Variants in TANC2 observed in about 807,000 individuals in gnomAD.
The protein encoded by TANC2 is protein TANC2.
Under a neutral mutation model 210.5 loss-of-function variants are expected in TANC2, and 26 were observed. The observed-to-expected ratio is 0.12, with a 90% confidence interval of 0.09 to 0.17. The LOEUF is 0.17. Ranked by LOEUF, TANC2 falls within the 10% of genes least tolerant of loss-of-function variation. TANC2 has a pLI of 1.00. For synonymous variants in TANC2, 931 were observed against 967.1 expected (o/e 0.96, Z 0.69); for missense variants, 2,129 against 2,608.9 (o/e 0.82, Z 4.01).
chr17:62,981,930 C>G (rs1225888131), intron 1 of TANC2, among the ~76,000 whole-genome samples: 1 of 152,020 alleles, frequency 6.6e-6, no homozygotes, highest in Admixed American at 6.5e-5. Context: ...TGTCTTCTCC[C>G]TGTGGAGTCA....
intron 26 of TANC2, 137 bp downstream of exon 26, chr17:63,415,811 T>C (rs1599081057): frequency 5.0e-6 from 5 of 1,005,380 alleles, no homozygotes; most frequent in Non-Finnish European, 7.1e-6. Flanking sequence ...AGCACTGACA[T>C]TTGCAATTTG....
chr17:63,012,229 C>T (rs1219039250), intron 2 of TANC2, among the ~76,000 whole-genome samples: 1 of 151,886 alleles, frequency 6.6e-6, no homozygotes, highest in African/African-American at 2.4e-5. Flanking sequence ...GTACTTTGCC[C>T]AGGCTGTTCT....
intron 2 of TANC2, among the ~76,000 whole-genome samples, chr17:63,056,261 T>G (rs1228156229): frequency 6.6e-6 from 1 of 151,422 alleles, no homozygotes; most frequent in Non-Finnish European, 1.5e-5. Context: ...TACTTCTACC[T>G]GAGAGCTAAT....
chr17:63,117,200 T>C (rs2038284607), intron 4 of TANC2: 1 of 152,206 alleles, frequency 6.6e-6, no homozygotes. Context: ...TACTCCTGAA[T>C]GTTAAGAAGA....
chr17:63,017,969 T>A (rs568840444), intron 2 of TANC2, among the ~76,000 whole-genome samples: 23 of 151,330 alleles, frequency 1.5e-4, no homozygotes, highest in Non-Finnish European at 3.1e-4. Context: ...TAGTGAGAAC[T>A]TGTCTCTAAA....
At chr17:63,237,781 T>C in intron 7 of TANC2, 33 bp from the exon 8 acceptor site, 2 of 1,515,654 alleles carry the variant, frequency 1.3e-6, no homozygotes, top group Non-Finnish European at 1.8e-6. Flanking sequence ...TGTATGTGGC[T>C]TTATTAAATT....
At chr17:63,275,666 C>T (rs752584725) in intron 9 of TANC2, among the ~76,000 whole-genome samples, 1 of 152,094 alleles carries the variant, frequency 6.6e-6, no homozygotes, top group African/African-American at 2.4e-5. Context: ...ATTATTTCAT[C>T]CCTACAAGTA....
chr17:63,370,934 A>G (rs2047249040), intron 14 of TANC2, among the ~76,000 whole-genome samples: 1 of 152,016 alleles, frequency 6.6e-6, no homozygotes, highest in Admixed American at 6.5e-5. Context: ...GCCAACAAGA[A>G]CTCTTGACTT....
chr17:63,276,174 A>T (rs1002442209), intron 9 of TANC2, among the ~76,000 whole-genome samples: 1 of 152,114 alleles, frequency 6.6e-6, no homozygotes, highest in Non-Finnish European at 1.5e-5. Context: ...ACAGAACTAG[A>T]TGATTTCATT....
exon 28 of TANC2, chr17:63,423,332 ATCT>A (rs535793807): frequency 3.8e-4 from 58 of 152,254 alleles, no homozygotes; most frequent in African/African-American, 1.3e-3. Flanking sequence ...TAGAAGACAC[ATCT>A]TCTAGGTCTC....
At chr17:63,042,858 A>G (rs548454353) in intron 2 of TANC2, among the ~76,000 whole-genome samples, 4 of 152,156 alleles carry the variant, frequency 2.6e-5, no homozygotes, top group African/African-American at 7.2e-5. Flanking sequence ...TGGGAGTTTT[A>G]TATATTTTTT....
chr17:63,267,685 C>A (rs949616619), intron 8 of TANC2, 63 bp from the exon 9 acceptor site: 1 of 1,552,462 alleles, frequency 6.4e-7, no homozygotes, highest in Non-Finnish European at 8.7e-7. Flanking sequence ...TCCGGAGATA[C>A]AGACTAGCTG....
At chr17:63,107,067 G>T (rs959977999) in intron 4 of TANC2, among the ~76,000 whole-genome samples, 7 of 151,592 alleles carry the variant, frequency 4.6e-5, no homozygotes, top group Admixed American at 2.6e-4. Context: ...TTAAGATGAA[G>T]TGGTTTCATT....
At chr17:62,967,800 T>G (rs1393912992) in intron 1 of TANC2, 4 of 151,592 alleles carry the variant, frequency 2.6e-5, no homozygotes, top group African/African-American at 9.7e-5. Context: ...ACTAAAATAT[T>G]CTTGTATGTT....
At chr17:63,270,821 C>T (rs989180276) in intron 9 of TANC2, among the ~76,000 whole-genome samples, 1 of 152,088 alleles carries the variant, frequency 6.6e-6, no homozygotes, top group African/African-American at 2.4e-5. Context: ...CTCCTCCTAC[C>T]TCCTCCCACC....
intron 2 of TANC2, among the ~76,000 whole-genome samples, chr17:63,069,676 G>C (rs955824172): frequency 6.6e-6 from 1 of 152,038 alleles, no homozygotes; most frequent in African/African-American, 2.4e-5. Flanking sequence ...CTTACTAAAA[G>C]TAGAATACAA....
At chr17:63,046,547 G>C (rs2035393003) in intron 2 of TANC2, among the ~76,000 whole-genome samples, 1 of 151,566 alleles carries the variant, frequency 6.6e-6, no homozygotes, top group Non-Finnish European at 1.5e-5. Context: ...GGCCAGGCTG[G>C]TCTCGAACTT....
chr17:63,310,020 GA>G (rs1326291204), intron 9 of TANC2, among the ~76,000 whole-genome samples: 5 of 151,722 alleles, frequency 3.3e-5, no homozygotes, highest in East Asian at 1.9e-4. Context: ...AAAAGCACTA[GA>G]AAAAAAATGT....
At chr17:63,091,489 T>A (rs1347871581) in intron 3 of TANC2, among the ~76,000 whole-genome samples, 1 of 152,198 alleles carries the variant, frequency 6.6e-6, no homozygotes, top group Non-Finnish European at 1.5e-5. Context: ...ATTTCTTGTT[T>A]TTCTCAGGTT....
Sources: allele counts gnomAD v4.1 joint callset (sites outside exome capture counted in the v4.1 genomes callset), GRCh38; gene constraint gnomAD v4.1.1; transcripts MANE v1.5; gene names NCBI Gene and HGNC (gene_info 2026-07-23, HGNC 2026-07-21).